MARCHF10: variants seen among roughly 807,000 people sequenced by gnomAD.
MARCHF10 encodes the protein probable E3 ubiquitin-protein ligase MARCHF10.
Under a neutral mutation model 76.2 loss-of-function variants are expected in MARCHF10, and 64 were observed. The ratio of observed to expected loss-of-function variants is 0.84; its 90% CI spans 0.69 to 1.03. The LOEUF (loss-of-function observed/expected upper bound fraction) is 1.03, where lower values mean the gene tolerates loss of function less well. Ranked by LOEUF, MARCHF10 falls within the 50% of genes least tolerant of loss-of-function variation. The probability of loss-of-function intolerance (pLI) is 0.00; values close to 1 mark genes in which losing one functional copy is unlikely to be tolerated. For synonymous variants in MARCHF10, 340 were observed against 357.5 expected (o/e 0.95, Z 0.55); for missense variants, 875 against 958.0 (o/e 0.91, Z 1.14).
chr17:62,755,570 T>C (rs187577034), intron 4 of MARCHF10, among the ~76,000 whole-genome samples: 22 of 152,180 alleles, frequency 1.4e-4, no homozygotes, highest in Non-Finnish European at 2.4e-4. Flanking sequence ...TAAGAACATG[T>C]AACTCCACTA....
chr17:62,749,868 A>G (rs1043531412), intron 4 of MARCHF10: 2 of 152,234 alleles, frequency 1.3e-5, no homozygotes, highest in African/African-American at 4.8e-5. Flanking sequence ...GCGTGTGCAC[A>G]TTCACATAGC....
At chr17:62,771,290 G>A (rs868209900) in intron 3 of MARCHF10, among the ~76,000 whole-genome samples, 1 of 152,102 alleles carries the variant, frequency 6.6e-6, no homozygotes, top group Non-Finnish European at 1.5e-5. Context: ...CTAGTGAGCT[G>A]AGAGAGACCT....
In MARCHF10 at chr17:62,744,417, TTC is replaced by T; in HGVS notation, c.492_493del (p.Lys165ThrfsTer25). ...CGGCACCTTTGCAGGCCACTGCTGT[TTC>T]TGTCTGCTTCTGTCCCCAGATGCTC... On this transcript the variant is annotated frameshift_variant, in exon 5 of 11. Coordinates refer to ENST00000311269, the MANE Select transcript of MARCHF10 (RefSeq NM_152598.4). LOFTEE classifies it high-confidence loss of function. 6.2e-7 allele frequency: 1 copy of T among 1,614,188 alleles called. No individual in the cohort carries two copies. Among genetic ancestry groups the T allele is most frequent in the Admixed American group, 1.7e-5 (1 of 60,018 alleles).
chr17:62,805,220 T>C (rs1598098878), intron 1 of MARCHF10, among the ~76,000 whole-genome samples: 1 of 152,360 alleles, frequency 6.6e-6, no homozygotes, highest in Non-Finnish European at 1.5e-5. Flanking sequence ...TATGGGACTA[T>C]GTTTTAAAAG....
intron 3 of MARCHF10, among the ~76,000 whole-genome samples, chr17:62,767,500 G>A (rs34244966): frequency 0.034 from 5,025 of 147,160 alleles, 113 homozygotes; most frequent in Middle Eastern, 0.066. Flanking sequence ...GCCCAGGCCG[G>A]AGTGCAGTGG....
intron 4 of MARCHF10, among the ~76,000 whole-genome samples, chr17:62,757,695 T>C (rs949192989): frequency 1.3e-5 from 2 of 152,230 alleles, no homozygotes; most frequent in Non-Finnish European, 2.9e-5. Flanking sequence ...CCTGCTGACG[T>C]CTGCATGGGT....
intron 6 of MARCHF10, among the ~76,000 whole-genome samples, chr17:62,734,433 C>T (rs919597182): frequency 2.0e-5 from 3 of 151,792 alleles, no homozygotes; most frequent in South Asian, 2.1e-4. Context: ...GTGATGTGTG[C>T]GCTTTAAAAA....
At chr17:62,756,883 C>G (rs1162958346) in intron 4 of MARCHF10, among the ~76,000 whole-genome samples, 1 of 152,208 alleles carries the variant, frequency 6.6e-6, no homozygotes, top group African/African-American at 2.4e-5. Context: ...GTCACTCATC[C>G]AGAAGCAGTT....
At chr17:62,732,817 AC>A (rs1353756458) in intron 6 of MARCHF10, among the ~76,000 whole-genome samples, 2 of 151,914 alleles carry the variant, frequency 1.3e-5, no homozygotes, top group Non-Finnish European at 2.9e-5. Flanking sequence ...ACCCGGTGAA[AC>A]CCCGTCTCTA....
At chr17:62,739,384 CT>C (rs954333236) in intron 5 of MARCHF10, among the ~76,000 whole-genome samples, 428 of 141,498 alleles carry the variant, frequency 3.0e-3, no homozygotes, top group Non-Finnish European at 2.6e-3. Flanking sequence ...TGGCTGATGA[CT>C]TTTTTTTTTT....
chr17:62,732,992 C>CAAAAAAA (rs398041783), intron 6 of MARCHF10, among the ~76,000 whole-genome samples: 1 of 66,544 alleles, frequency 1.5e-5, no homozygotes. Flanking sequence ...GACTCAGTCT[C>CAAAAAAA]AAAAAAAAAA....
Position 62,704,005 on chromosome 17 carries a change from G to A in MARCHF10, c.2371+1534C>T, listed in dbSNP as rs576768180. Among the ~76,000 whole-genome samples the A allele has an allele frequency of 3.3e-5, 5 of 152,198 alleles. No individual in the cohort carries two copies. In the East Asian group the frequency reaches 9.7e-4, roughly 29 times the overall value. ...GCGCCCGGTCGCCGCAGGTTTCCCC[G>A]GACCGGGAAAAGCGAGGCGTCTCCG... On this transcript the variant is annotated intron_variant, in intron 10 of 10. Transcript: ENST00000311269.
chr17:62,771,460 A>G (rs1007744412), intron 3 of MARCHF10, among the ~76,000 whole-genome samples: 1 of 152,136 alleles, frequency 6.6e-6, no homozygotes, highest in Admixed American at 6.5e-5. Flanking sequence ...CTGTAAGGAG[A>G]GCTAGATCTC....
intron 4 of MARCHF10, among the ~76,000 whole-genome samples, chr17:62,750,780 G>T (rs184763740): frequency 6.6e-6 from 1 of 152,284 alleles, no homozygotes; most frequent in East Asian, 1.9e-4. Context: ...GACAGATGTC[G>T]GGAAGTTCTT....
chr17:62,770,796 C>A (rs2092429728), intron 3 of MARCHF10, among the ~76,000 whole-genome samples: 1 of 151,562 alleles, frequency 6.6e-6, no homozygotes, highest in African/African-American at 2.4e-5. Flanking sequence ...CCGCCTTGGC[C>A]TCCCACAGTG....
chr17:62,701,832 G>A lies in MARCHF10; in HGVS notation c.2372-74C>T. The A allele has an allele frequency of 8.2e-6, 13 of 1,587,480 alleles. No individual in the cohort carries two copies. In the South Asian group the frequency reaches 1.3e-4, roughly 16 times the overall value. On this transcript the variant is annotated intron_variant, in intron 10 of 10. Coordinates refer to ENST00000311269, the MANE Select transcript of MARCHF10 (RefSeq NM_152598.4). ...GGTCTGTTACAGGGGGCACGGCACT[G>A]CTGCTTCATCTTCTCCCACCCCATC...
intron 2 of MARCHF10, among the ~76,000 whole-genome samples, chr17:62,789,417 G>C (rs2092805068): frequency 6.6e-6 from 1 of 152,166 alleles, no homozygotes; most frequent in Non-Finnish European, 1.5e-5. Context: ...CTGCTGCTGT[G>C]GCCTTGCCTC....
intron 8 of MARCHF10, among the ~76,000 whole-genome samples, chr17:62,720,502 G>A (rs561387021): frequency 1.6e-4 from 24 of 152,262 alleles, no homozygotes; most frequent in Non-Finnish European, 5.9e-5. Flanking sequence ...TAGGTATGGC[G>A]CTCTGATAAA....
intron 4 of MARCHF10, among the ~76,000 whole-genome samples, chr17:62,755,535 A>AT (rs2092015813): frequency 6.6e-6 from 1 of 152,170 alleles, no homozygotes; most frequent in Non-Finnish European, 1.5e-5. Context: ...TCTCAAGGGT[A>AT]TATATACAAT....
Sources: allele counts gnomAD v4.1 joint callset (sites outside exome capture counted in the v4.1 genomes callset), GRCh38; gene constraint gnomAD v4.1.1; transcripts MANE v1.5; gene names NCBI Gene and HGNC (gene_info 2026-07-23, HGNC 2026-07-21).